DGKB: variants seen among roughly 807,000 people sequenced by gnomAD.
The protein encoded by DGKB is 90 kDa diacylglycerol kinase.
In DGKB, 67 loss-of-function variants were observed where a neutral mutation model predicts 114.3. The ratio of observed to expected loss-of-function variants is 0.59; its 90% CI spans 0.48 to 0.72. DGKB has a LOEUF of 0.72. DGKB is among the 30% of genes least tolerant of loss of function. The pLI is 0.00. For missense variants in DGKB, 907 were observed against 975.2 expected (o/e 0.93, Z 0.93); for synonymous variants, 398 against 323.1 (o/e 1.23, Z -2.49).
rs150520660 is a variant in DGKB, at chr7:14,788,827, G to T, written c.71-31096C>A. 2.9e-3 allele frequency among the ~76,000 whole-genome samples: 444 copies of T among 152,172 alleles called. 9 individuals are homozygous for T. The highest frequency in any genetic ancestry group is 0.027 in the East Asian group (138 of 5,170). Reference sequence around the variant, plus strand: ...AGTGCAACAAACTACCTTCCCAATGGCAGTCAGTTCCTAATCTGTTGGCCT... The same window carrying T: ...AGTGCAACAAACTACCTTCCCAATGTCAGTCAGTTCCTAATCTGTTGGCCT... On this transcript the variant is annotated intron_variant, in intron 2 of 25. Coordinates refer to ENST00000402815, the MANE Select transcript of DGKB (RefSeq NM_001350709.2).
chr7:14,345,769 A>C (rs1314439832), intron 21 of DGKB, among the ~76,000 whole-genome samples: 3 of 151,700 alleles, frequency 2.0e-5, no homozygotes, highest in African/African-American at 7.2e-5. Context: ...AGAATTAACT[A>C]ATAATATAGA....
chr7:14,358,832 GCT>G (rs1815119193), intron 21 of DGKB, among the ~76,000 whole-genome samples: 1 of 152,134 alleles, frequency 6.6e-6, no homozygotes. Context: ...AACATTCCAT[GCT>G]CATGGATAAG....
chr7:14,401,990 G>C (rs13310791), intron 21 of DGKB, among the ~76,000 whole-genome samples: 97,278 of 137,210 alleles, frequency 0.71, 33,300 homozygotes, highest in Non-Finnish European at 0.79. Context: ...ACACACACCC[G>C]CTATTCAGCT....
intron 20 of DGKB, among the ~76,000 whole-genome samples, chr7:14,509,159 G>A (rs1253502509): frequency 6.6e-6 from 1 of 152,096 alleles, no homozygotes; most frequent in African/African-American, 2.4e-5. Context: ...GGTATAGCTT[G>A]TATACCAAAC....
intron 25 of DGKB, among the ~76,000 whole-genome samples, chr7:14,172,681 T>C (rs1483414652): frequency 2.0e-5 from 3 of 152,072 alleles, no homozygotes; most frequent in Non-Finnish European, 4.4e-5. Context: ...TCCATTTTAG[T>C]TGTAATAAAT....
intron 1 of DGKB, among the ~76,000 whole-genome samples, chr7:14,934,134 T>C (rs1291082810): frequency 6.6e-6 from 1 of 152,090 alleles, no homozygotes; most frequent in Non-Finnish European, 1.5e-5. Context: ...CAGCTCTGGG[T>C]TCAATAAACA....
intron 21 of DGKB, among the ~76,000 whole-genome samples, chr7:14,443,485 C>T (rs1245864359): frequency 6.6e-6 from 1 of 152,062 alleles, no homozygotes; most frequent in Non-Finnish European, 1.5e-5. Flanking sequence ...TTTTCATTTC[C>T]TATTTGGCCT....
chr7:14,687,198 T>C (rs1350349485), intron 9 of DGKB, among the ~76,000 whole-genome samples: 3 of 152,122 alleles, frequency 2.0e-5, no homozygotes, highest in Non-Finnish European at 4.4e-5. Context: ...ACAAAGTCTA[T>C]TGTCTCTGAC....
intron 20 of DGKB, among the ~76,000 whole-genome samples, chr7:14,541,511 T>G (rs951827297): frequency 5.9e-5 from 9 of 152,166 alleles, no homozygotes; most frequent in Non-Finnish European, 1.0e-4. Flanking sequence ...AACACCTGTA[T>G]AGAACAGCAC....
intron 14 of DGKB, among the ~76,000 whole-genome samples, chr7:14,625,971 G>C (rs1378604052): frequency 6.6e-6 from 1 of 152,080 alleles, no homozygotes; most frequent in African/African-American, 2.4e-5. Context: ...GGAATATATT[G>C]TATTAGAATT....
chr7:14,579,183 G>A (rs1336896577), intron 19 of DGKB, among the ~76,000 whole-genome samples: 2 of 151,916 alleles, frequency 1.3e-5, no homozygotes, highest in Admixed American at 6.6e-5. Context: ...TATACTCAAC[G>A]AAAATGTAAT....
At chr7:14,546,277 G>A (rs1018667182) in intron 20 of DGKB, among the ~76,000 whole-genome samples, 6 of 151,650 alleles carry the variant, frequency 4.0e-5, no homozygotes, top group Non-Finnish European at 8.8e-5. Context: ...TTTTGAGTAA[G>A]TTCTAGTGAA....
chr7:14,866,673 T>C (rs1450518228), intron 1 of DGKB, among the ~76,000 whole-genome samples: 2 of 152,168 alleles, frequency 1.3e-5, no homozygotes, highest in East Asian at 1.9e-4. Flanking sequence ...TTGGCAATTA[T>C]TAATGAAACT....
chr7:14,255,031 G>A (rs1394562168), intron 23 of DGKB, among the ~76,000 whole-genome samples: 4 of 152,066 alleles, frequency 2.6e-5, no homozygotes, highest in South Asian at 4.2e-4. Flanking sequence ...TTATAGTAAC[G>A]ATATAAAAAA....
chr7:14,922,390 G>A (rs12113952), intron 1 of DGKB, among the ~76,000 whole-genome samples: 2,546 of 80,808 alleles, frequency 0.032, 56 homozygotes, highest in African/African-American at 0.15. Context: ...GTGTGTGTGT[G>A]TGTGTGTGTG....
chr7:14,961,940 G>T (rs1786868503), intron 1 of DGKB, among the ~76,000 whole-genome samples: 1 of 152,024 alleles, frequency 6.6e-6, no homozygotes, highest in East Asian at 1.9e-4. Context: ...ACAGCCCAAA[G>T]TATTGCACAC....
chr7:14,543,394 A>G (rs1793785143), intron 20 of DGKB, among the ~76,000 whole-genome samples: 1 of 152,070 alleles, frequency 6.6e-6, no homozygotes, highest in Non-Finnish European at 1.5e-5. Flanking sequence ...GTGGTAAGCC[A>G]TAATTGCACC....
At chr7:14,155,879 G>A (rs1263917927) in intron 25 of DGKB, among the ~76,000 whole-genome samples, 1 of 152,062 alleles carries the variant, frequency 6.6e-6, no homozygotes, top group Non-Finnish European at 1.5e-5. Flanking sequence ...AGTATCTTTT[G>A]GGTCTGTGCA....
At chr7:14,831,225 T>C (rs1352291650) in intron 2 of DGKB, among the ~76,000 whole-genome samples, 1 of 151,894 alleles carries the variant, frequency 6.6e-6, no homozygotes, top group Admixed American at 6.6e-5. Flanking sequence ...TATATTTACA[T>C]GGACCAAAAG....
Sources: gnomAD v4.1 joint callset for allele counts (sites outside exome capture counted in the v4.1 genomes callset) on GRCh38, gnomAD v4.1.1 for gene constraint, MANE v1.5 for transcripts, NCBI Gene and HGNC (gene_info 2026-07-23, HGNC 2026-07-21) for gene names.